The following TNMD variants were observed in gnomAD, a reference collection of about 807,000 sequenced individuals.
TNMD encodes the protein tenomodulin, also known as BRICHOS domain containing 4.
In TNMD, 15 loss-of-function variants were observed where a neutral mutation model predicts 26.9. The ratio of observed to expected loss-of-function variants is 0.56; its 90% confidence interval spans 0.37 to 0.86. TNMD has a LOEUF of 0.86. Among genes scored for constraint, TNMD ranks in the 40% least tolerant of loss-of-function variants. The pLI is 0.00. For synonymous variants in TNMD, 73 were observed against 77.0 expected, an observed-to-expected ratio of 0.95 and a Z score of 0.27; for missense variants, 222 against 242.6, an observed-to-expected ratio of 0.92 and a Z score of 0.56.
chrX:100,593,869 G>C, intron 2 of TNMD, 26 bp from the exon 3 acceptor site: 1 of 1,205,838 alleles, frequency 8.3e-7, no homozygotes, highest in Non-Finnish European at 1.1e-6. Flanking sequence ...GAGTATCTTA[G>C]AGATTGTTTT....
chrX:100,588,597 A>G (rs1355436404), intron 2 of TNMD, among the ~76,000 whole-genome samples: 3 of 111,922 alleles, frequency 2.7e-5, no homozygotes, highest in Non-Finnish European at 5.6e-5. Context: ...AAGCAGAATC[A>G]CCAAAGAAAC....
chrX:100,597,707 G>A (rs776583016), intron 5 of TNMD, 50 bp downstream of exon 5: 2 of 1,112,241 alleles, frequency 1.8e-6, no homozygotes, highest in Non-Finnish European at 2.5e-6. Flanking sequence ...GACAGTAACA[G>A]GTTAATGTTC....
chrX:100,588,470 C>A (rs2082928415), intron 2 of TNMD, among the ~76,000 whole-genome samples: 1 of 111,449 alleles, frequency 9.0e-6, no homozygotes, highest in African/African-American at 3.3e-5. Context: ...CCAGGTCCAT[C>A]CAGCTCTGAA....
intron 4 of TNMD, among the ~76,000 whole-genome samples, chrX:100,596,365 C>T (rs2082952945): frequency 8.9e-6 from 1 of 111,836 alleles, no homozygotes. Flanking sequence ...AAAATAAAGG[C>T]AAAGGCTCAT....
chrX:100,592,079 T>C (rs2082939375), intron 2 of TNMD, among the ~76,000 whole-genome samples: 1 of 111,497 alleles, frequency 9.0e-6, no homozygotes, highest in South Asian at 3.8e-4. Context: ...CCATCAGTGG[T>C]GCTACTGATG....
At chrX:100,588,026 C>G (rs970263335) in intron 2 of TNMD, among the ~76,000 whole-genome samples, 10 of 111,582 alleles carry the variant, frequency 9.0e-5, no homozygotes, top group African/African-American at 2.3e-4. Flanking sequence ...GGGATTTCCT[C>G]CAAGCTCTTA....
At position 100,599,003 on chromosome X, in the gene TNMD, T is replaced by C. The variant is rs776478999; in HGVS notation, c.578-13T>C. 8.5e-7 allele frequency: 1 copy of C among 1,182,649 alleles called. No homozygotes were observed. ...AAAGCAGTTGCATCACAACTTTGCATTTATTATCTTAGTTTCTGAGTTACA... is the reference window on the plus strand; with the variant it reads ...AAAGCAGTTGCATCACAACTTTGCACTTATTATCTTAGTTTCTGAGTTACA... On this transcript the variant is annotated splice_polypyrimidine_tract_variant and intron_variant, in intron 5 of 6. Coordinates refer to ENST00000373031, the MANE Select transcript of TNMD (RefSeq NM_022144.3).
Position 100,599,595 on chromosome X carries a change from C to CT in TNMD, c.832_833insT (p.Arg278LeufsTer4). Reference sequence around the variant, plus strand: ...CCGTCGAGGCAACCGCTATTGCCGCCGCGTCTGTGAACCTTTACTAGGCTA... The same window carrying CT: ...CCGTCGAGGCAACCGCTATTGCCGCCTGCGTCTGTGAACCTTTACTAGGCTA... On this transcript the variant is annotated frameshift_variant, in exon 7 of 7. Transcript: ENST00000373031. LOFTEE classifies it high-confidence loss of function. 1 of 1,210,919 alleles carries CT rather than the reference C, an allele frequency of 8.3e-7. No individual in the cohort carries two copies. Among genetic ancestry groups the CT allele is most frequent in the Non-Finnish European group, 1.1e-6 (1 of 895,123 alleles).
At chrX:100,594,504 A>T in intron 4 of TNMD, 142 bp downstream of exon 4, 1 of 384,914 alleles carries the variant, frequency 2.6e-6, no homozygotes, top group Non-Finnish European at 4.2e-6. Flanking sequence ...CATCATTTTC[A>T]GATCAGGAAA....
chrX:100,588,963 C>T (rs187853889), intron 2 of TNMD, among the ~76,000 whole-genome samples: 5 of 111,186 alleles, frequency 4.5e-5, no homozygotes, highest in South Asian at 3.9e-4. Flanking sequence ...TAGGGATAAG[C>T]GGGCACTTTT....
intron 2 of TNMD, among the ~76,000 whole-genome samples, chrX:100,588,837 A>G (rs746652477): frequency 4.4e-4 from 49 of 111,876 alleles, no homozygotes; most frequent in African/African-American, 1.6e-3. Context: ...ACTGCCTTAC[A>G]TAGGAGCTGC....
intron 4 of TNMD, among the ~76,000 whole-genome samples, chrX:100,595,436 A>G (rs2082950108): frequency 1.0e-5 from 1 of 99,042 alleles, no homozygotes; most frequent in Non-Finnish European, 2.0e-5. Flanking sequence ...ATCTTTCTAT[A>G]AACTATAAAA....
intron 2 of TNMD, among the ~76,000 whole-genome samples, chrX:100,592,239 G>A (rs2030567874): frequency 8.9e-6 from 1 of 111,940 alleles, no homozygotes. Flanking sequence ...AGGTCAGACA[G>A]ACTGAGAGCT....
intron 2 of TNMD, among the ~76,000 whole-genome samples, chrX:100,592,887 A>G (rs1055571673): frequency 8.9e-6 from 1 of 112,108 alleles, no homozygotes; most frequent in African/African-American, 3.2e-5. Context: ...AAAAATGAAC[A>G]TGGAGAAACT....
At chrX:100,590,620 C>T (rs2082934428) in intron 2 of TNMD, among the ~76,000 whole-genome samples, 1 of 111,942 alleles carries the variant, frequency 8.9e-6, no homozygotes, top group Non-Finnish European at 1.9e-5. Context: ...GGTCTTCTTA[C>T]ACTTCTCACT....
At chrX:100,586,487 A>G (rs1401063080) in intron 2 of TNMD, among the ~76,000 whole-genome samples, 1 of 111,402 alleles carries the variant, frequency 9.0e-6, no homozygotes. Context: ...AGCAGAAAAT[A>G]AGCTGGCTAA....
In TNMD at chrX:100,597,675, T is replaced by C; in HGVS notation, c.577+18T>C. On this transcript the variant is annotated intron_variant, in intron 5 of 6. Coordinates refer to ENST00000373031, the MANE Select transcript of TNMD (RefSeq NM_022144.3). Reference sequence around the variant, plus strand: ...AATATCAGGTATGACATTCTTATCCTCATCCTCCTCCTATTTTCTAAGACA... The same window carrying C: ...AATATCAGGTATGACATTCTTATCCCCATCCTCCTCCTATTTTCTAAGACA... The C allele has an allele frequency of 8.4e-7, 1 of 1,187,682 alleles. No individual in the cohort carries two copies. Among genetic ancestry groups the C allele is most frequent in the Admixed American group, 2.2e-5 (1 of 45,981 alleles).
chrX:100,585,686 C>T (rs934921287), intron 2 of TNMD, among the ~76,000 whole-genome samples: 8 of 112,121 alleles, frequency 7.1e-5, no homozygotes, highest in Non-Finnish European at 1.9e-5. Context: ...TTTAATCTTT[C>T]TTTCAATTAT....
intron 2 of TNMD, among the ~76,000 whole-genome samples, chrX:100,589,956 ACTTACTGGTCAGCTCAAGT>A (rs1370471344): frequency 1.8e-5 from 2 of 111,343 alleles, no homozygotes; most frequent in Non-Finnish European, 3.8e-5. Flanking sequence ...TAGGAGAAAA[ACTTACTGGTCAGCTCAAGT>A]CTGTAGATAA....
Sources: gnomAD v4.1 joint callset for allele counts (sites outside exome capture counted in the v4.1 genomes callset) on GRCh38, gnomAD v4.1.1 for gene constraint, MANE v1.5 for transcripts, NCBI Gene and HGNC (gene_info 2026-07-23, HGNC 2026-07-21) for gene names.